Variants in FOXO1 observed in about 807,000 individuals in gnomAD.
The protein encoded by FOXO1 is forkhead box O1.
Under a neutral mutation model 44.1 loss-of-function variants are expected in FOXO1, and 6 were observed. The ratio of observed to expected loss-of-function variants is 0.14; its 90% CI spans 0.07 to 0.27. The LOEUF is 0.27. FOXO1 is among the 10% of genes least tolerant of loss of function. The pLI is 1.00. For synonymous variants in FOXO1, 380 were observed against 362.7 expected (o/e 1.05, Z -0.54); for missense variants, 737 against 888.8 (o/e 0.83, Z 2.17).
At chr13:40,568,941 C>CA (rs904366426) in intron 1 of FOXO1, among the ~76,000 whole-genome samples, 1 of 151,446 alleles carries the variant, frequency 6.6e-6, no homozygotes, top group East Asian at 1.9e-4. Flanking sequence ...TGTTCATTTA[C>CA]AAAAAATAGA....
In FOXO1 at chr13:40,559,511, GCTCA is replaced by G. The variant is rs1461720726; in HGVS notation, c.*8_*11del. On this transcript the variant is annotated 3_prime_UTR_variant, in exon 2 of 3. Coordinates refer to ENST00000379561, the MANE Select transcript of FOXO1 (RefSeq NM_002015.4). ...TTTTGATATTGGGGTGAACTTACCT[GCTCA>G]CTAACCCTCAGCCTGACACCCAGCT... The G allele has an allele frequency of 1.3e-6, 2 of 1,565,212 alleles. No homozygotes were observed. Among genetic ancestry groups the G allele is most frequent in the Non-Finnish European group, 1.7e-6 (2 of 1,154,826 alleles).
At chr13:40,611,125 C>T in intron 1 of FOXO1, 3 of 438,038 alleles carry the variant, frequency 6.8e-6, no homozygotes, top group South Asian at 1.6e-5. Flanking sequence ...TAAAACTCAT[C>T]GTGACTGAGG....
Position 40,654,708 on chromosome 13 carries a change from G to A in FOXO1, c.630+10875C>T, listed in dbSNP as rs143731919. ...ATAAAGAATACAGTGGGGCTTACTGGAGATAACAGCACTTCCCAGATGAGG... is the reference window on the plus strand; with the variant it reads ...ATAAAGAATACAGTGGGGCTTACTGAAGATAACAGCACTTCCCAGATGAGG... On this transcript the variant is annotated intron_variant, in intron 1 of 2. Transcript: ENST00000379561. Among the ~76,000 whole-genome samples the A allele has an allele frequency of 2.1e-3, 322 of 152,228 alleles. 1 individual carries two copies. Among genetic ancestry groups the A allele is most frequent in the African/African-American group, 7.4e-3 (307 of 41,526 alleles).
chr13:40,665,436 G>A, intron 1 of FOXO1, 147 bp downstream of exon 1: 1 of 646,838 alleles, frequency 1.5e-6, no homozygotes, highest in Non-Finnish European at 2.2e-6. Context: ...CCCGGGCGAG[G>A]CCACCGCGAC....
In FOXO1 at chr13:40,666,185, T is replaced by G. The variant is rs1593422355; in HGVS notation, c.28A>C (p.Ile10Leu). 1 of 1,454,604 alleles carries G rather than the reference T, an allele frequency of 6.9e-7. No homozygotes were observed. Among genetic ancestry groups the G allele is most frequent in the African/African-American group, 1.5e-5 (1 of 67,916 alleles). 90.1% of individuals were successfully genotyped at this position (1,454,604 alleles called of 1,614,324 possible). Residue 10 changes from isoleucine (I) to leucine (L), a missense_variant, in exon 1 of 3, where the codon ATC becomes CTC. Coordinates refer to ENST00000379561, the MANE Select transcript of FOXO1 (RefSeq NM_002015.4). Reference protein sequence around the residue: MAEAPQVVEIDPDFEPLPRP... With the variant: MAEAPQVVELDPDFEPLPRP... ...GGCAGCGGCTCGAAGTCCGGGTCGA[T>G]CTCCACCACCTGAGGCGCCTCGGCC...
chr13:40,622,380 C>G (rs921256932), intron 1 of FOXO1, among the ~76,000 whole-genome samples: 10 of 152,124 alleles, frequency 6.6e-5, no homozygotes, highest in Non-Finnish European at 1.0e-4. Context: ...TACCAATAAA[C>G]ATTAAAACAA....
chr13:40,563,330 G>C (rs1017227099), intron 1 of FOXO1, among the ~76,000 whole-genome samples: 1 of 152,202 alleles, frequency 6.6e-6, no homozygotes, highest in South Asian at 2.1e-4. Context: ...GAAAATGGAG[G>C]GGTCTCACTT....
At chr13:40,563,428 T>C (rs1365402126) in intron 1 of FOXO1, among the ~76,000 whole-genome samples, 1 of 152,214 alleles carries the variant, frequency 6.6e-6, no homozygotes, top group Non-Finnish European at 1.5e-5. Context: ...CTCTCTGTAC[T>C]GCATTCCGCC....
chr13:40,646,152 T>C (rs1471772865), intron 1 of FOXO1, among the ~76,000 whole-genome samples: 1 of 152,112 alleles, frequency 6.6e-6, no homozygotes, highest in African/African-American at 2.4e-5. Context: ...TCTACAATTT[T>C]AATTAGTCTA....
intron 1 of FOXO1, among the ~76,000 whole-genome samples, chr13:40,635,906 C>T (rs868531822): frequency 3.3e-5 from 5 of 152,206 alleles, no homozygotes; most frequent in African/African-American, 2.4e-5. Context: ...CCCACAGTGG[C>T]GCCCATCTGT....
In FOXO1 at chr13:40,658,826, G is replaced by A. The variant is rs191796184; in HGVS notation, c.630+6757C>T. 1.6e-3 allele frequency among the ~76,000 whole-genome samples: 238 copies of A among 152,158 alleles called. 2 individuals carry two copies. The highest frequency in any genetic ancestry group is 5.4e-3 in the African/African-American group (225 of 41,504). ...AGATGGAGACCATCCTGGCTAACAC[G>A]GTGAAATCCCGTCTCTACTAAAAAT... is the stretch of plus-strand genomic sequence containing the variant. On this transcript the variant is annotated intron_variant, in intron 1 of 2. Transcript: ENST00000379561.
At chr13:40,581,193 T>G (rs759440150) in intron 1 of FOXO1, among the ~76,000 whole-genome samples, 1 of 152,142 alleles carries the variant, frequency 6.6e-6, no homozygotes, top group Non-Finnish European at 1.5e-5. Flanking sequence ...ACCCCCTTTT[T>G]TGGAAAAACC....
At chr13:40,611,943 G>A (rs184256434) in intron 1 of FOXO1, among the ~76,000 whole-genome samples, 11 of 152,164 alleles carry the variant, frequency 7.2e-5, no homozygotes, top group Admixed American at 5.9e-4. Context: ...GTGTGGTGGT[G>A]CATGCCTTTA....
intron 1 of FOXO1, among the ~76,000 whole-genome samples, chr13:40,664,322 T>G (rs1328141834): frequency 6.6e-6 from 1 of 152,072 alleles, no homozygotes; most frequent in Admixed American, 6.5e-5. Flanking sequence ...TTACAGCAAT[T>G]CCGCCACCGG....
chr13:40,603,638 T>G (rs955718609), intron 1 of FOXO1, among the ~76,000 whole-genome samples: 1 of 152,142 alleles, frequency 6.6e-6, no homozygotes, highest in Non-Finnish European at 1.5e-5. Flanking sequence ...TTTGGGTTTC[T>G]TTCAAGTGTA....
At chr13:40,630,482 C>T (rs574826925) in intron 1 of FOXO1, among the ~76,000 whole-genome samples, 241 of 151,998 alleles carry the variant, frequency 1.6e-3, no homozygotes, top group Non-Finnish European at 2.8e-3. Context: ...GGTGAAACCC[C>T]GTGTCCACTA....
At chr13:40,613,669 C>T (rs544643549) in intron 1 of FOXO1, among the ~76,000 whole-genome samples, 10 of 152,292 alleles carry the variant, frequency 6.6e-5, no homozygotes, top group South Asian at 6.2e-4. Context: ...TGGATGATTA[C>T]GGCGTCAGCA....
chr13:40,657,024 G>A (rs1031675393), intron 1 of FOXO1, among the ~76,000 whole-genome samples: 40 of 151,932 alleles, frequency 2.6e-4, no homozygotes, highest in Admixed American at 2.2e-3. Context: ...TAGTAGAGAC[G>A]GGATTTCACC....
intron 1 of FOXO1, among the ~76,000 whole-genome samples, chr13:40,647,054 G>A (rs546649519): frequency 6.6e-6 from 1 of 152,296 alleles, no homozygotes; most frequent in Non-Finnish European, 1.5e-5. Context: ...GACAAGAAAA[G>A]CTGTCCTTTT....
Sources: allele counts gnomAD v4.1 joint callset (sites outside exome capture counted in the v4.1 genomes callset), GRCh38; gene constraint gnomAD v4.1.1; transcripts MANE v1.5; gene names NCBI Gene and HGNC (gene_info 2026-07-23, HGNC 2026-07-21).